FST: variants seen among roughly 807,000 people sequenced by gnomAD.
FST encodes the protein follistatin, also known as activin-binding protein.
FST carries 6 observed loss-of-function variants against 38.4 expected under a neutral mutation model. The observed-to-expected ratio is 0.16, with a 90% confidence interval of 0.09 to 0.31. The LOEUF (loss-of-function observed/expected upper bound fraction) is 0.31. Ranked by LOEUF, FST falls within the 10% of genes least tolerant of loss-of-function variation. The pLI is 1.00. For missense variants in FST, 301 were observed against 432.3 expected, an observed-to-expected ratio of 0.70 and a Z score of 2.69; for synonymous variants, 157 against 169.8, an observed-to-expected ratio of 0.92 and a Z score of 0.59.
Position 53,485,341 on chromosome 5 carries a change from G to A in FST, c.952+114G>A, listed in dbSNP as rs1028712690. On this transcript the variant is annotated intron_variant, in intron 5 of 5. Coordinates refer to ENST00000256759, the MANE Select transcript of FST (RefSeq NM_013409.3). ...ATAAATCCATTTCTGTTCAAATTAGGTAGCTGCTAAGTATCACCAGCAATT... is the reference window on the plus strand; with the variant it reads ...ATAAATCCATTTCTGTTCAAATTAGATAGCTGCTAAGTATCACCAGCAATT... 2.0e-5 allele frequency: 13 copies of A among 660,726 alleles called. No homozygotes were observed. In the African/African-American group the frequency reaches 2.1e-4, roughly 11 times the overall value. The allele number at this position is 660,726 out of a possible 1,614,324, so 40.9% of individuals were successfully genotyped here. A position where few individuals can be genotyped will look rare whatever the true frequency, so the allele number is the denominator to read the frequency against.
chr5:53,484,420 T>G, intron 4 of FST, 127 bp downstream of exon 4: 2 of 969,082 alleles, frequency 2.1e-6, no homozygotes, highest in Non-Finnish European at 3.0e-6. Context: ...CGCTGCAATT[T>G]GGGGAAAGTG....
intron 1 of FST, among the ~76,000 whole-genome samples, chr5:53,481,435 T>G (rs1747197240): frequency 8.4e-6 from 1 of 118,884 alleles, no homozygotes; most frequent in South Asian, 2.8e-4. Flanking sequence ...TAGTGGATGC[T>G]TCTTCCAACC....
chr5:53,480,949 G>A (rs960084031), intron 1 of FST, 73 bp downstream of exon 1: 1 of 728,928 alleles, frequency 1.4e-6, no homozygotes, highest in Non-Finnish European at 2.2e-6. Context: ...GTCTCCACTT[G>A]GTCTGTTCTG....
chr5:53,486,221 T>C lies in FST; in HGVS notation c.*188T>C, dbSNP rs538741137. ...CTCTCCCAGGCCACCTTGTTACTCATTGGACACGGAGAGGCATTCATTGTG... is the reference window on the plus strand; with the variant it reads ...CTCTCCCAGGCCACCTTGTTACTCACTGGACACGGAGAGGCATTCATTGTG... On this transcript the variant is annotated 3_prime_UTR_variant, in exon 6 of 6. Coordinates refer to ENST00000256759, the MANE Select transcript of FST (RefSeq NM_013409.3). The C allele has an allele frequency of 6.7e-5, 30 of 448,160 alleles. No individual in the cohort carries two copies. The South Asian group carries it at 7.9e-4, about 12-fold the overall frequency. 27.8% of individuals were successfully genotyped at this position (448,160 alleles called of 1,614,324 possible). A position where few individuals can be genotyped will look rare whatever the true frequency, so the allele number is the denominator to read the frequency against.
chr5:53,483,133 C>A lies in FST; in HGVS notation c.277+62C>A. 2 of 1,127,078 alleles carry A rather than the reference C, an allele frequency of 1.8e-6. No individual in the cohort carries two copies. The highest frequency in any genetic ancestry group is 1.4e-5 in the South Asian group (1 of 72,858). 69.8% of individuals were successfully genotyped at this position (1,127,078 alleles called of 1,614,324 possible). A position where few individuals can be genotyped will look rare whatever the true frequency, so the allele number is the denominator to read the frequency against. On this transcript the variant is annotated intron_variant, in intron 2 of 5. Coordinates refer to ENST00000256759, the MANE Select transcript of FST (RefSeq NM_013409.3). The surrounding 1 kb of genome is among the most constrained non-coding windows in gnomAD (Gnocchi z 4.1). ...AGAGGGCGTCTTACCCTTAGCTTCC[C>A]CACTACCTGACTGGGGTTTGGGAGT...
intron 1 of FST, among the ~76,000 whole-genome samples, chr5:53,482,070 G>C (rs937401244): frequency 6.6e-6 from 1 of 152,262 alleles, no homozygotes; most frequent in East Asian, 1.9e-4. Context: ...GAAAGATCGC[G>C]GTGGCCGCGG....
intron 4 of FST, 119 bp downstream of exon 4, chr5:53,484,412 CT>C (rs1747425999): frequency 9.6e-7 from 1 of 1,045,262 alleles, no homozygotes; most frequent in Admixed American, 2.7e-5. Flanking sequence ...GAGAAATACG[CT>C]GCAATTTGGG....
Position 53,486,267 on chromosome 5 carries a change from A to G in FST, c.*234A>G, listed in dbSNP as rs1389253728. 3.0e-5 allele frequency: 11 copies of G among 367,898 alleles called. No homozygotes were observed. The highest frequency in any genetic ancestry group is 4.7e-5 in the Non-Finnish European group (10 of 210,646). The allele number at this position is 367,898 out of a possible 1,614,324, so 22.8% of individuals were successfully genotyped here. On this transcript the variant is annotated 3_prime_UTR_variant, in exon 6 of 6. Coordinates refer to ENST00000256759, the MANE Select transcript of FST (RefSeq NM_013409.3). ...TTGTGAGGTCTACTGGATGAGGCCCATAGTTGAGACTTGTAGACATTTATT... is the reference window on the plus strand; with the variant it reads ...TTGTGAGGTCTACTGGATGAGGCCCGTAGTTGAGACTTGTAGACATTTATT...
In FST at chr5:53,483,461, T is replaced by C. The variant is rs547876491; in HGVS notation, c.278-43T>C. 2 of 1,513,258 alleles carry C rather than the reference T, an allele frequency of 1.3e-6. No individual in the cohort carries two copies. The highest frequency in any genetic ancestry group is 2.7e-5 in the African/African-American group (2 of 73,162). 93.7% of individuals were successfully genotyped at this position (1,513,258 alleles called of 1,614,324 possible). A position where few individuals can be genotyped will look rare whatever the true frequency, so the allele number is the denominator to read the frequency against. On this transcript the variant is annotated intron_variant, in intron 2 of 5. Coordinates refer to ENST00000256759, the MANE Select transcript of FST (RefSeq NM_013409.3). This position sits in a 1 kb window ranked among gnomAD's most constrained non-coding sequence, Gnocchi z 4.1. ...AAGCCCTCCTGGCTGACCTGCAGAC[T>C]GCCTGGCTCTGGTTTTAATCCATGC... is the stretch of plus-strand genomic sequence containing the variant.
intron 1 of FST, 40 bp from the exon 2 acceptor site, chr5:53,482,840 C>G (rs1747321926): frequency 7.4e-7 from 1 of 1,360,388 alleles, no homozygotes; most frequent in African/African-American, 1.4e-5. Context: ...CCACCGCTCA[C>G]TGCTCACTCA....
intron 4 of FST, among the ~76,000 whole-genome samples, chr5:53,484,785 G>C (rs78453036): frequency 0.018 from 2,671 of 152,262 alleles, 139 homozygotes; most frequent in East Asian, 0.17. Context: ...CAGGGGTTTT[G>C]TGCGTGTGTA....
chr5:53,485,766 A>AT (rs1747513259), intron 5 of FST, 185 bp from the exon 6 acceptor site: 9 of 1,593,364 alleles, frequency 5.6e-6, no homozygotes, highest in Admixed American at 1.9e-5. Flanking sequence ...GCTTTAAAAA[A>AT]ATTTTTTTAA....
rs760808482 is a variant in FST at position 53,484,247 on chromosome 5, C to T, written c.675C>T (p.Cys225=). The T allele has an allele frequency of 6.2e-7, 1 of 1,610,274 alleles. No homozygotes were observed. The highest frequency in any genetic ancestry group is 1.1e-5 in the South Asian group (1 of 91,026). The change falls in exon 4 of 6, where the codon TGC becomes TGT. Residue 225 remains cysteine (C), a synonymous_variant. Transcript: ENST00000256759. ...CCTGCCACCTGAGAAAGGCTACCTGCCTGCTGGGCAGATCTATTGGATTAG... is the reference window on the plus strand; with the variant it reads ...CCTGCCACCTGAGAAAGGCTACCTGTCTGCTGGGCAGATCTATTGGATTAG... ...SSACHLRKAT[C]LLGRSIGLAY...
At position 53,480,808 on chromosome 5, in the gene FST, A is replaced by G; in HGVS notation, c.17A>G (p.His6Arg). Reference protein sequence around the residue: MVRARHQPGGLCLLLL... With the variant: MVRARRQPGGLCLLLL... ...GCCCCCAGGATGGTCCGCGCGAGGC[A>G]CCAGCCGGGTGGGCTTTGCCTCCTG... Residue 6 changes from histidine to arginine, a missense_variant, in exon 1 of 6, where the codon CAC becomes CGC. Physicochemically the swap from His to Arg is conservative, Grantham distance 29. Transcript: ENST00000256759. 1 of 1,516,950 alleles carries G rather than the reference A, an allele frequency of 6.6e-7. No individual in the cohort carries two copies. The highest frequency in any genetic ancestry group is 8.9e-7 in the Non-Finnish European group (1 of 1,129,464). 94.0% of individuals were successfully genotyped at this position (1,516,950 alleles called of 1,614,324 possible). A position where few individuals can be genotyped will look rare whatever the true frequency, so the allele number is the denominator to read the frequency against.
chr5:53,484,427 A>T, intron 4 of FST, 134 bp downstream of exon 4: 2 of 902,182 alleles, frequency 2.2e-6, no homozygotes, highest in East Asian at 2.6e-5. Context: ...ATTTGGGGAA[A>T]GTGTTGTGAC....
Position 53,482,704 on chromosome 5 carries a change from C to T in FST, c.86-176C>T. Reference sequence around the variant, plus strand: ...CCCTCCACTGCCTTCTTTTTCCACCCCTCCACCCCTTTCGATTTATTTCCT... The same window carrying T: ...CCCTCCACTGCCTTCTTTTTCCACCTCTCCACCCCTTTCGATTTATTTCCT... On this transcript the variant is annotated intron_variant, in intron 1 of 5. Coordinates refer to ENST00000256759, the MANE Select transcript of FST (RefSeq NM_013409.3). The T allele has an allele frequency of 7.0e-6, 4 of 570,244 alleles. No individual in the cohort carries two copies. The South Asian group carries it at 9.2e-5, about 13-fold the overall frequency. 35.3% of individuals were successfully genotyped at this position (570,244 alleles called of 1,614,324 possible).
intron 1 of FST, chr5:53,482,608 G>C (rs1747303241): frequency 1.1e-5 from 5 of 466,476 alleles, no homozygotes; most frequent in Non-Finnish European, 1.9e-5. Flanking sequence ...GATATGGCTG[G>C]GGCGCCCTGT....
In FST at chr5:53,483,999, G is replaced by C. The variant is rs967275177; in HGVS notation, c.497-70G>C. On this transcript the variant is annotated intron_variant, in intron 3 of 5. Transcript: ENST00000256759. The surrounding 1 kb of genome is among the most constrained non-coding windows in gnomAD (Gnocchi z 4.1). Reference sequence around the variant, plus strand: ...ATGCTTCAGTGTCATGATTTCCTTGGTAACTTCAAGTGCTCACTCCCTAAG... The same window carrying C: ...ATGCTTCAGTGTCATGATTTCCTTGCTAACTTCAAGTGCTCACTCCCTAAG... 3.1e-6 allele frequency: 4 copies of C among 1,309,642 alleles called. No individual in the cohort carries two copies. The highest frequency in any genetic ancestry group is 4.4e-6 in the Non-Finnish European group (4 of 918,526). 81.1% of individuals were successfully genotyped at this position (1,309,642 alleles called of 1,614,324 possible).
chr5:53,486,760 AC>A lies in FST; in HGVS notation c.*728del. 6.6e-6 allele frequency: 1 copy of A among 152,370 alleles called. No homozygotes were observed. The highest frequency in any genetic ancestry group is 3.4e-3 in the Middle Eastern group (1 of 294). The allele number at this position is 152,370 out of a possible 1,614,324, so 9.4% of individuals were successfully genotyped here. A position where few individuals can be genotyped will look rare whatever the true frequency, so the allele number is the denominator to read the frequency against. On this transcript the variant is annotated 3_prime_UTR_variant, in exon 6 of 6. Transcript: ENST00000256759. ...GAGATGATTAGAATTCTAGTAATGTACTTTTAAGATGTTACAGATACAAAGA... is the reference window on the plus strand; with the variant it reads ...GAGATGATTAGAATTCTAGTAATGTATTTTAAGATGTTACAGATACAAAGA...
Sources: gnomAD v4.1 joint callset for allele counts (sites outside exome capture counted in the v4.1 genomes callset) on GRCh38, gnomAD v4.1.1 for gene constraint, Gnocchi (gnomAD v3.1) non-coding constraint, MANE v1.5 for transcripts, NCBI Gene and HGNC (gene_info 2026-07-23, HGNC 2026-07-21) for gene names.